PPFIA3: variants seen among roughly 807,000 people sequenced by gnomAD.
PPFIA3 encodes the protein liprin-alpha-3.
In PPFIA3, 26 loss-of-function variants were observed where a neutral mutation model predicts 145.8. That is an observed-to-expected ratio of 0.18 (90% CI 0.13 to 0.25). PPFIA3 has a LOEUF of 0.25. Ranked by LOEUF, PPFIA3 falls within the 10% of genes least tolerant of loss-of-function variation. The pLI, the probability that PPFIA3 is intolerant of heterozygous loss-of-function variation, is 1.00. For synonymous variants in PPFIA3, 645 were observed against 661.4 expected (o/e 0.98, Z 0.38); for missense variants, 1,008 against 1,587.8 (o/e 0.63, Z 6.21).
chr19:49,141,754 T>C (rs893381163), intron 19 of PPFIA3, among the ~76,000 whole-genome samples: 2 of 151,934 alleles, frequency 1.3e-5, no homozygotes, highest in African/African-American at 2.4e-5. Context: ...ATTTTTTCTT[T>C]CTTTTTTTAA....
chr19:49,135,681 A>C, intron 13 of PPFIA3, 98 bp from the exon 14 acceptor site: 1 of 1,331,756 alleles, frequency 7.5e-7, no homozygotes, highest in Non-Finnish European at 1.0e-6. Flanking sequence ...CTTGACCTTG[A>C]CTTCAGGACC....
rs753659306 is a variant in PPFIA3 at position 49,148,653 on chromosome 19, C to T, written c.3012-13C>T. 4 of 1,603,264 alleles carry T rather than the reference C, an allele frequency of 2.5e-6. No homozygotes were observed. Among genetic ancestry groups the T allele is most frequent in the Non-Finnish European group, 3.4e-6 (4 of 1,170,664 alleles). ...GAAAGCTCATCCGTGACTCCACTTC[C>T]CCTGCTGCTCAGGGTGAGTCTACAT... is the stretch of plus-strand genomic sequence containing the variant. On this transcript the variant is annotated splice_polypyrimidine_tract_variant and intron_variant, in intron 24 of 29. Coordinates refer to ENST00000334186, the MANE Select transcript of PPFIA3 (RefSeq NM_003660.4).
At chr19:49,134,232 C>T (rs1164253808) in intron 11 of PPFIA3, 67 bp downstream of exon 11, 4 of 1,535,836 alleles carry the variant, frequency 2.6e-6, no homozygotes, top group Admixed American at 2.1e-5. Context: ...AATCCTGGGG[C>T]CCCAGGCCTT....
intron 1 of PPFIA3, among the ~76,000 whole-genome samples, chr19:49,121,252 G>A (rs2040933246): frequency 6.6e-6 from 1 of 152,168 alleles, no homozygotes; most frequent in Non-Finnish European, 1.5e-5. Flanking sequence ...GTATTCTGTG[G>A]CCTGGGCTCA....
chr19:49,137,690 G>T (rs1250224428), intron 15 of PPFIA3, among the ~76,000 whole-genome samples: 1 of 137,312 alleles, frequency 7.3e-6, no homozygotes, highest in African/African-American at 2.6e-5. Flanking sequence ...CCCCAGTGAT[G>T]TAAAGTCTAC....
chr19:49,122,714 G>GTTTT (rs200075853), intron 1 of PPFIA3, among the ~76,000 whole-genome samples: 16 of 114,836 alleles, frequency 1.4e-4, no homozygotes, highest in East Asian at 2.9e-4. Flanking sequence ...TTGTTTAGTT[G>GTTTT]TTTTTTTTTT....
intron 23 of PPFIA3, 59 bp downstream of exon 23, chr19:49,146,251 C>T: frequency 6.3e-7 from 1 of 1,581,350 alleles, no homozygotes; most frequent in Non-Finnish European, 8.6e-7. Flanking sequence ...CGCATGGATG[C>T]CCCTCCTCCG....
In PPFIA3 at chr19:49,133,708, G is replaced by A. The variant is rs979404622; in HGVS notation, c.1162-88G>A. On this transcript the variant is annotated intron_variant, in intron 9 of 29. Transcript: ENST00000334186. This position sits in a 1 kb window ranked among gnomAD's most constrained non-coding sequence, Gnocchi z 7.2. Reference sequence around the variant, plus strand: ...AGGAGCCTGGCGCTGTGGGGGCGGAGCCTGGCGCTCAGCCTTGGAGGAGGT... The same window carrying A: ...AGGAGCCTGGCGCTGTGGGGGCGGAACCTGGCGCTCAGCCTTGGAGGAGGT... The A allele has an allele frequency of 1.3e-4, 184 of 1,394,942 alleles. No individual in the cohort carries two copies. The highest frequency in any genetic ancestry group is 7.2e-4 in the Middle Eastern group (3 of 4,166). The allele number at this position is 1,394,942 out of a possible 1,614,324, so 86.4% of individuals were successfully genotyped here. A position where few individuals can be genotyped will look rare whatever the true frequency, so the allele number is the denominator to read the frequency against.
chr19:49,148,431 A>C, intron 24 of PPFIA3, 173 bp downstream of exon 24: 1 of 839,448 alleles, frequency 1.2e-6, no homozygotes, highest in African/African-American at 1.7e-5. Flanking sequence ...GTCCACAGGA[A>C]AAGTTCAGAT....
intron 23 of PPFIA3, among the ~76,000 whole-genome samples, chr19:49,147,154 G>A (rs1001259125): frequency 2.5e-4 from 38 of 152,170 alleles, no homozygotes; most frequent in African/African-American, 8.9e-4. Context: ...TTGCAAGAGT[G>A]ATGGCCCTTT....
Position 49,128,783 on chromosome 19 carries a change from C to T in PPFIA3, c.343-65C>T, listed in dbSNP as rs1455578753. On this transcript the variant is annotated intron_variant, in intron 3 of 29. Transcript: ENST00000334186. The surrounding 1 kb of genome is among the most constrained non-coding windows in gnomAD (Gnocchi z 4.1). ...CCATGTGTCCGCCCTACCTGTCACCCTTTTTCTCACATCTGCCCCTTTTCC... is the reference window on the plus strand; with the variant it reads ...CCATGTGTCCGCCCTACCTGTCACCTTTTTTCTCACATCTGCCCCTTTTCC... The T allele has an allele frequency of 2.1e-6, 3 of 1,448,658 alleles. No individual in the cohort carries two copies. Among genetic ancestry groups the T allele is most frequent in the East Asian group, 2.3e-5 (1 of 43,728 alleles). The allele number at this position is 1,448,658 out of a possible 1,614,324, so 89.7% of individuals were successfully genotyped here.
In PPFIA3 at chr19:49,128,166, A is replaced by C; in HGVS notation, c.240+53A>C. ...AGGGGGCGGGGCCTCGGGGGGAAGA[A>C]GGCGGTCCGGAAGGGGCCGGGCTTG... On this transcript the variant is annotated intron_variant, in intron 2 of 29. Coordinates refer to ENST00000334186, the MANE Select transcript of PPFIA3 (RefSeq NM_003660.4). This position sits in a 1 kb window ranked among gnomAD's most constrained non-coding sequence, Gnocchi z 4.1. 6.8e-7 allele frequency: 1 copy of C among 1,473,904 alleles called. No homozygotes were observed. Among genetic ancestry groups the C allele is most frequent in the Non-Finnish European group, 9.0e-7 (1 of 1,114,506 alleles). 91.3% of individuals were successfully genotyped at this position (1,473,904 alleles called of 1,614,324 possible).
At position 49,128,508 on chromosome 19, in the gene PPFIA3, C is replaced by A. The variant is rs1420485511; in HGVS notation, c.342+40C>A. ...GGGCGGGGCCTAAGTGGGGGCGGGG[C>A]CTCGTGGTGTTGAAGTGGGGGGCGG... is the stretch of plus-strand genomic sequence containing the variant. On this transcript the variant is annotated intron_variant, in intron 3 of 29. Transcript: ENST00000334186. The surrounding 1 kb of genome is among the most constrained non-coding windows in gnomAD (Gnocchi z 4.1). The A allele has an allele frequency of 6.5e-7, 1 of 1,549,272 alleles. No individual in the cohort carries two copies. Among genetic ancestry groups the A allele is most frequent in the East Asian group, 2.3e-5 (1 of 44,182 alleles).
Position 49,133,562 on chromosome 19 carries a change from G to A in PPFIA3, c.1161+191G>A, listed in dbSNP as rs2041101358. Among the ~76,000 whole-genome samples the A allele has an allele frequency of 6.6e-6, 1 of 152,172 alleles. No individual in the cohort carries two copies. The highest frequency in any genetic ancestry group is 2.4e-5 in the African/African-American group (1 of 41,434). ...CTGGAGGTTTGCGCGGGGGACGGAT[G>A]GGAGCGGGGTTCTCTAGCCTGGACT... is the stretch of plus-strand genomic sequence containing the variant. On this transcript the variant is annotated intron_variant, in intron 9 of 29. Transcript: ENST00000334186. The surrounding 1 kb of genome is among the most constrained non-coding windows in gnomAD (Gnocchi z 7.2).
chr19:49,122,232 C>T (rs1016634535), intron 1 of PPFIA3, among the ~76,000 whole-genome samples: 12 of 151,648 alleles, frequency 7.9e-5, no homozygotes, highest in Admixed American at 1.3e-4. Flanking sequence ...AGGCGCCTAC[C>T]ACCATGCCCG....
intron 25 of PPFIA3, 92 bp downstream of exon 25, chr19:49,148,855 A>G (rs2122660165): frequency 6.6e-7 from 1 of 1,505,366 alleles, no homozygotes; most frequent in Non-Finnish European, 9.0e-7. Context: ...CGGAGAAGCA[A>G]ATTGGCACCA....
In PPFIA3 at chr19:49,133,109, G is replaced by C. The variant is rs2041094583; in HGVS notation, c.988G>C (p.Glu330Gln). The C allele has an allele frequency of 6.2e-7, 1 of 1,612,066 alleles. No homozygotes were observed. The highest frequency in any genetic ancestry group is 1.1e-5 in the South Asian group (1 of 90,984). ...TCTGCACGACGCCAACGACAAACTG[G>C]AGAACGAGTTAGCTAGCAAGGAGTC... is the stretch of plus-strand genomic sequence containing the variant. ...TSLHDANDKL[E>Q]NELASKESLY... is the part of the protein sequence containing the mutation. Residue 330 changes from glutamate to glutamine, a missense_variant, in exon 8 of 30, where the codon GAG becomes CAG. Coordinates refer to ENST00000334186, the MANE Select transcript of PPFIA3 (RefSeq NM_003660.4). The surrounding 1 kb of genome is among the most constrained non-coding windows in gnomAD (Gnocchi z 7.2).
At position 49,128,041 on chromosome 19, in the gene PPFIA3, G is replaced by A; in HGVS notation, c.168G>A (p.Ala56=). 6.3e-7 allele frequency: 1 copy of A among 1,595,764 alleles called. No homozygotes were observed. The highest frequency in any genetic ancestry group is 8.5e-7 in the Non-Finnish European group (1 of 1,178,588). The change falls in exon 2 of 30, where the codon GCG becomes GCA. Residue 56 remains alanine (A), a synonymous_variant. Transcript: ENST00000334186. This position sits in a 1 kb window ranked among gnomAD's most constrained non-coding sequence, Gnocchi z 4.1. ...AGGCACAGGACGGGTTGGCTACAGC[G>A]CAGCTGCGGCTGCGCGAGCTCGGCC... ...LREAQDGLAT[A]QLRLRELGHE... is the part of the protein sequence containing the mutation.
intron 1 of PPFIA3, among the ~76,000 whole-genome samples, chr19:49,127,171 C>A (rs890180477): frequency 6.7e-6 from 1 of 150,244 alleles, no homozygotes; most frequent in Non-Finnish European, 1.5e-5. Flanking sequence ...ATCACGAGGT[C>A]AGGAGTTCGA....
Sources: allele counts gnomAD v4.1 joint callset (sites outside exome capture counted in the v4.1 genomes callset), GRCh38; gene constraint gnomAD v4.1.1; non-coding constraint Gnocchi (gnomAD v3.1); transcripts MANE v1.5; gene names NCBI Gene and HGNC (gene_info 2026-07-23, HGNC 2026-07-21).